DLD: variants seen among roughly 807,000 people sequenced by gnomAD.
The protein encoded by DLD is dihydrolipoyl dehydrogenase, mitochondrial.
DLD carries 36 observed loss-of-function variants against 62.2 expected under a neutral mutation model. That is an observed-to-expected ratio of 0.58 (90% CI 0.44 to 0.76). The LOEUF (loss-of-function observed/expected upper bound fraction) is 0.76, where lower values mean the gene tolerates loss of function less well. Ranked by LOEUF, DLD falls within the 30% of genes least tolerant of loss-of-function variation. The pLI is 0.00. For synonymous variants in DLD, 204 were observed against 199.6 expected, an observed-to-expected ratio of 1.02 and a Z score of -0.19; for missense variants, 541 against 608.6, an observed-to-expected ratio of 0.89 and a Z score of 1.17.
chr7:107,902,926 C>G (rs1409954581), intron 4 of DLD, among the ~76,000 whole-genome samples: 1 of 151,822 alleles, frequency 6.6e-6, no homozygotes, highest in Non-Finnish European at 1.5e-5. Flanking sequence ...TAGAGAATGC[C>G]ATGTCTTTTT....
intron 12 of DLD, 54 bp downstream of exon 12, chr7:107,918,115 G>T: frequency 1.2e-6 from 2 of 1,606,824 alleles, no homozygotes; most frequent in Non-Finnish European, 1.7e-6. Flanking sequence ...AAGCATTGCT[G>T]TTTATTAATT....
chr7:107,909,647 A>G (rs2032090741), intron 8 of DLD, among the ~76,000 whole-genome samples: 1 of 152,108 alleles, frequency 6.6e-6, no homozygotes, highest in African/African-American at 2.4e-5. Flanking sequence ...GGTAGTGTCT[A>G]CTGATTGTGA....
intron 2 of DLD, among the ~76,000 whole-genome samples, chr7:107,898,405 C>G (rs768438082): frequency 1.3e-5 from 2 of 151,172 alleles, no homozygotes; most frequent in Non-Finnish European, 2.9e-5. Flanking sequence ...CTCAGCCTCC[C>G]GAGTAGCTGG....
intron 12 of DLD, 71 bp from the exon 13 acceptor site, chr7:107,918,939 C>G: frequency 7.8e-7 from 1 of 1,278,100 alleles, no homozygotes; most frequent in South Asian, 1.2e-5. Flanking sequence ...AGCTTCCCCT[C>G]AACAATTGCT....
Position 107,919,736 on chromosome 7 carries a change from T to C in DLD, c.*477T>C, listed in dbSNP as rs968421911. ...TTCAAATGTCTATAAACCGAACTGA[T>C]GTAAGTAAACGGTCTCTCACTTGTT... On this transcript the variant is annotated 3_prime_UTR_variant, in exon 14 of 14. Coordinates refer to ENST00000205402, the MANE Select transcript of DLD (RefSeq NM_000108.5). 1.9e-5 allele frequency: 3 copies of C among 159,402 alleles called. No individual in the cohort carries two copies. Among genetic ancestry groups the C allele is most frequent in the Admixed American group, 6.1e-5 (1 of 16,302 alleles). The allele number at this position is 159,402 out of a possible 1,614,324, so 9.9% of individuals were successfully genotyped here.
chr7:107,895,755 C>A (rs897349119), intron 2 of DLD, among the ~76,000 whole-genome samples: 1 of 152,134 alleles, frequency 6.6e-6, no homozygotes, highest in Non-Finnish European at 1.5e-5. Flanking sequence ...ATAATTCTTT[C>A]CTAAGGAATT....
At chr7:107,914,864 T>G (rs1464372051) in intron 8 of DLD, among the ~76,000 whole-genome samples, 1 of 152,222 alleles carries the variant, frequency 6.6e-6, no homozygotes, top group Non-Finnish European at 1.5e-5. Flanking sequence ...AAATTATAAT[T>G]TGAATGAAAA....
intron 4 of DLD, 127 bp downstream of exon 4, chr7:107,902,520 A>G: frequency 1.2e-6 from 1 of 833,854 alleles, no homozygotes; most frequent in Non-Finnish European, 2.0e-6. Flanking sequence ...CATTTCACAC[A>G]GAGAAAAAAA....
At chr7:107,904,225 T>C (rs2031948316) in intron 5 of DLD, among the ~76,000 whole-genome samples, 1 of 152,086 alleles carries the variant, frequency 6.6e-6, no homozygotes, top group African/African-American at 2.4e-5. Flanking sequence ...CTAAAGCAAA[T>C]AGAATATCAT....
intron 11 of DLD, 128 bp downstream of exon 11, chr7:107,917,590 AT>A: frequency 9.8e-7 from 1 of 1,018,584 alleles, no homozygotes. Flanking sequence ...TAGCTTATAT[AT>A]TTTTCCCTTG....
In DLD at chr7:107,893,242, T is replaced by C. The variant is rs768123909; in HGVS notation, c.82T>C (p.Ser28Pro). The change falls in exon 2 of 14, where the codon TCT becomes CCT. Residue 28 changes from serine to proline, a missense_variant. Transcript: ENST00000205402. ...AATATCTCATGGCCTACAGGGACTTTCTGCAGTGCCTCTGAGAACTTACGC... is the reference window on the plus strand; with the variant it reads ...AATATCTCATGGCCTACAGGGACTTCCTGCAGTGCCTCTGAGAACTTACGC... ...NRISHGLQGL[S>P]AVPLRTYADQ... 100 of 1,613,500 alleles carry C rather than the reference T, an allele frequency of 6.2e-5. No homozygotes were observed. The highest frequency in any genetic ancestry group is 7.4e-5 in the Non-Finnish European group (87 of 1,179,786).
rs754899464 is a variant in DLD, at chr7:107,893,217, A to T, written c.57A>T (p.Arg19=). Residue 19 remains arginine, a synonymous_variant, in exon 2 of 14, where the codon CGA becomes CGT. Transcript: ENST00000205402. ...CSLAKRGHFN[R]ISHGLQGLSA... The stretch of plus-strand genomic sequence containing the variant: ...TTTTCTAGAGAGGCCATTTCAATCG[A>T]ATATCTCATGGCCTACAGGGACTTT... The T allele has an allele frequency of 6.2e-6, 10 of 1,613,586 alleles. No individual in the cohort carries two copies. The South Asian group carries it at 9.9e-5, about 16-fold the overall frequency.
At chr7:107,895,433 G>C (rs2031695894) in intron 2 of DLD, among the ~76,000 whole-genome samples, 1 of 152,208 alleles carries the variant, frequency 6.6e-6, no homozygotes, top group Non-Finnish European at 1.5e-5. Flanking sequence ...GTGTGTTACT[G>C]TTGATGTGAC....
rs1237635638 is a variant in DLD, at chr7:107,920,115, T to A, written c.*856T>A. 2.0e-5 allele frequency: 3 copies of A among 152,328 alleles called. No individual in the cohort carries two copies. Among genetic ancestry groups the A allele is most frequent in the Non-Finnish European group, 4.4e-5 (3 of 68,030 alleles). 9.4% of individuals were successfully genotyped at this position (152,328 alleles called of 1,614,324 possible). A position where few individuals can be genotyped will look rare whatever the true frequency, so the allele number is the denominator to read the frequency against. ...TAAGGCATTTTAAAGGTCATCATCC[T>A]TTCATCTATTTTAGATACACCTACT... is the stretch of plus-strand genomic sequence containing the variant. On this transcript the variant is annotated 3_prime_UTR_variant, in exon 14 of 14. Transcript: ENST00000205402.
intron 8 of DLD, among the ~76,000 whole-genome samples, chr7:107,911,147 C>G (rs886299751): frequency 6.6e-6 from 1 of 152,120 alleles, no homozygotes; most frequent in Admixed American, 6.6e-5. Context: ...AGCAGTCATT[C>G]TCCATTTCTC....
Position 107,919,956 on chromosome 7 carries a change from T to G in DLD, c.*697T>G, listed in dbSNP as rs1373618516. On this transcript the variant is annotated 3_prime_UTR_variant, in exon 14 of 14. Coordinates refer to ENST00000205402, the MANE Select transcript of DLD (RefSeq NM_000108.5). ...AATGAAGATACTGAAATAAACGTCT[T>G]AAATATTCATTTACTGGTTATCATG... The G allele has an allele frequency of 6.6e-6, 1 of 152,426 alleles. No homozygotes were observed. The highest frequency in any genetic ancestry group is 1.5e-5 in the Non-Finnish European group (1 of 68,096). The allele number at this position is 152,426 out of a possible 1,614,324, so 9.4% of individuals were successfully genotyped here. A position where few individuals can be genotyped will look rare whatever the true frequency, so the allele number is the denominator to read the frequency against.
chr7:107,916,527 C>T (rs1206447498), intron 9 of DLD, among the ~76,000 whole-genome samples: 3 of 151,994 alleles, frequency 2.0e-5, no homozygotes, highest in African/African-American at 7.3e-5. Flanking sequence ...CAAAAATTAG[C>T]TGGGCGTGGT....
chr7:107,899,354 A>G (rs981985577), intron 2 of DLD, among the ~76,000 whole-genome samples: 3 of 149,302 alleles, frequency 2.0e-5, no homozygotes, highest in African/African-American at 7.4e-5. Context: ...AATTTTTGGT[A>G]TTTTCTGAAG....
At chr7:107,891,312 C>A in intron 1 of DLD, 23 bp downstream of exon 1, 1 of 1,613,796 alleles carries the variant, frequency 6.2e-7, no homozygotes, top group Non-Finnish European at 8.5e-7. Context: ...TAGGTGAGGT[C>A]GTGTTGAGCC....
Sources: gnomAD v4.1 joint callset for allele counts (sites outside exome capture counted in the v4.1 genomes callset) on GRCh38, gnomAD v4.1.1 for gene constraint, MANE v1.5 for transcripts, NCBI Gene and HGNC (gene_info 2026-07-23, HGNC 2026-07-21) for gene names.